RAP1GAP2: variants seen among roughly 807,000 people sequenced by gnomAD.
The protein encoded by RAP1GAP2 is rap1 GTPase-activating protein 2.
Under a neutral mutation model 95.0 loss-of-function variants are expected in RAP1GAP2, and 27 were observed. The ratio of observed to expected loss-of-function variants is 0.28; its 90% CI spans 0.21 to 0.39. The LOEUF (loss-of-function observed/expected upper bound fraction) is 0.39. Ranked by LOEUF, RAP1GAP2 falls within the 10% of genes least tolerant of loss-of-function variation. The probability of loss-of-function intolerance (pLI) is 1.00; values close to 1 mark genes in which losing one functional copy is unlikely to be tolerated. For missense variants in RAP1GAP2, 771 were observed against 970.0 expected, an observed-to-expected ratio of 0.79 and a Z score of 2.72; for synonymous variants, 373 against 380.9, an observed-to-expected ratio of 0.98 and a Z score of 0.24.
intron 3 of RAP1GAP2, among the ~76,000 whole-genome samples, chr17:2,923,842 G>A (rs1222399098): frequency 2.0e-5 from 3 of 152,120 alleles, no homozygotes; most frequent in Non-Finnish European, 4.4e-5. Context: ...TTTGCTAATC[G>A]TCCAGACATC....
chr17:2,892,148 G>T (rs1847598876), intron 2 of RAP1GAP2, among the ~76,000 whole-genome samples: 1 of 151,974 alleles, frequency 6.6e-6, no homozygotes, highest in Non-Finnish European at 1.5e-5. Context: ...TCTGTATATG[G>T]TATGTATTTA....
At chr17:2,860,744 C>T (rs891081553) in intron 2 of RAP1GAP2, among the ~76,000 whole-genome samples, 1 of 151,670 alleles carries the variant, frequency 6.6e-6, no homozygotes, top group Admixed American at 6.6e-5. Flanking sequence ...GCTGGGATTA[C>T]AGGCACGCAC....
intron 1 of RAP1GAP2, among the ~76,000 whole-genome samples, chr17:2,779,511 T>G (rs1381571141): frequency 6.6e-6 from 1 of 152,168 alleles, no homozygotes; most frequent in Non-Finnish European, 1.5e-5. Flanking sequence ...TGGCCCAGTT[T>G]CCCAGACCTC....
intron 3 of RAP1GAP2, among the ~76,000 whole-genome samples, chr17:2,923,291 G>A (rs1450454490): frequency 1.0e-4 from 15 of 150,180 alleles, no homozygotes; most frequent in Non-Finnish European, 1.9e-4. Context: ...GCCCGCCTCG[G>A]CCTCCCAAAG....
intron 14 of RAP1GAP2, among the ~76,000 whole-genome samples, chr17:3,001,833 T>C (rs750039314): frequency 1.3e-5 from 2 of 152,224 alleles, no homozygotes; most frequent in Non-Finnish European, 2.9e-5. Flanking sequence ...GAAATGCATC[T>C]CAGCTAACCA....
intron 2 of RAP1GAP2, among the ~76,000 whole-genome samples, chr17:2,821,596 A>G (rs2070307711): frequency 6.6e-6 from 1 of 150,744 alleles, no homozygotes; most frequent in Non-Finnish European, 1.5e-5. Context: ...CTGGTTTTGA[A>G]CTCCTGGTCT....
At chr17:2,841,654 T>A (rs774264338) in intron 2 of RAP1GAP2, among the ~76,000 whole-genome samples, 1 of 152,076 alleles carries the variant, frequency 6.6e-6, no homozygotes, top group African/African-American at 2.4e-5. Flanking sequence ...GAATGGTAGA[T>A]GTCAGAGAAA....
rs986069213 is a variant in RAP1GAP2 at position 3,003,524 on chromosome 17, G to A, written c.1201-1845G>A. On this transcript the variant is annotated intron_variant, in intron 14 of 24. Coordinates refer to ENST00000254695, the MANE Select transcript of RAP1GAP2 (RefSeq NM_015085.5). This position sits in a 1 kb window ranked among gnomAD's most constrained non-coding sequence, Gnocchi z 4.1. ...CTCGGACGATGCTCTGTGTGCCACCGCGGCTCCCAGGCCACTCTTGGGCGT... is the reference window on the plus strand; with the variant it reads ...CTCGGACGATGCTCTGTGTGCCACCACGGCTCCCAGGCCACTCTTGGGCGT... Among the ~76,000 whole-genome samples the A allele has an allele frequency of 1.2e-4, 18 of 152,070 alleles. 1 individual carries two copies. Among genetic ancestry groups the A allele is most frequent in the Non-Finnish European group, 2.4e-4 (16 of 68,012 alleles).
chr17:2,985,905 C>T (rs879418300), intron 11 of RAP1GAP2, among the ~76,000 whole-genome samples: 20 of 152,078 alleles, frequency 1.3e-4, no homozygotes, highest in Non-Finnish European at 2.4e-4. Flanking sequence ...CTACCATGAA[C>T]ATTTATTAAC....
intron 7 of RAP1GAP2, chr17:2,964,800 A>C (rs1023247701): frequency 6.6e-6 from 1 of 152,432 alleles, no homozygotes; most frequent in African/African-American, 2.4e-5. Context: ...TGACAAAGTT[A>C]AATTTAAAAG....
At position 3,030,982 on chromosome 17, in the gene RAP1GAP2, A is replaced by G. The variant is rs758246702; in HGVS notation, c.2168A>G (p.His723Arg). The stretch of plus-strand genomic sequence containing the variant: ...AAATTCCGCTTTGACAAGCTCAGCC[A>G]TGCCAGCTCTGGTGCGGTAAGGATG... ...NLKFRFDKLSHASSGAGH is the reference protein window; with the variant it reads ...NLKFRFDKLSRASSGAGH The change falls in exon 23 of 25, where the codon CAT becomes CGT. Residue 723 changes from histidine (H) to arginine (R), a missense_variant. By Grantham distance (29) the His-to-Arg change is conservative. Transcript: ENST00000254695. 6.2e-6 allele frequency: 10 copies of G among 1,608,826 alleles called. No individual in the cohort carries two copies. Among genetic ancestry groups the G allele is most frequent in the African/African-American group, 1.3e-5 (1 of 74,902 alleles).
intron 2 of RAP1GAP2, among the ~76,000 whole-genome samples, chr17:2,801,213 A>G (rs1175172554): frequency 2.0e-5 from 3 of 149,656 alleles, no homozygotes; most frequent in African/African-American, 7.3e-5. Context: ...GGTGGCTCAC[A>G]CCTGTAATCC....
At chr17:2,795,792 G>A (rs2069060442), upstream of RAP1GAP2, among the ~76,000 whole-genome samples, 1 of 152,206 alleles carries the variant, frequency 6.6e-6, no homozygotes, top group Non-Finnish European at 1.5e-5. Context: ...ATGCCTGTGT[G>A]AAGTGGTGTG....
At chr17:3,002,874 C>T (rs1037228410) in intron 14 of RAP1GAP2, among the ~76,000 whole-genome samples, 8 of 151,912 alleles carry the variant, frequency 5.3e-5, no homozygotes, top group East Asian at 3.9e-4. Context: ...TGACATCCTG[C>T]GGGAGGGAAG....
intron 8 of RAP1GAP2, among the ~76,000 whole-genome samples, chr17:2,970,690 G>C (rs1480780560): frequency 1.3e-5 from 2 of 152,214 alleles, no homozygotes; most frequent in African/African-American, 4.8e-5. Flanking sequence ...TATTTGCTAT[G>C]AACAGTTTAT....
At chr17:2,787,909 A>C (rs1455608074) in intron 1 of RAP1GAP2, among the ~76,000 whole-genome samples, 1 of 152,174 alleles carries the variant, frequency 6.6e-6, no homozygotes, top group African/African-American at 2.4e-5. Context: ...ATATCTTCAT[A>C]TATTAACATA....
intron 2 of RAP1GAP2, among the ~76,000 whole-genome samples, chr17:2,853,634 C>T (rs1027449604): frequency 6.8e-6 from 1 of 146,586 alleles, no homozygotes; most frequent in African/African-American, 2.5e-5. Context: ...CTCCACCATC[C>T]GGGCGGCCGA....
chr17:2,874,019 A>G (rs995040927), intron 2 of RAP1GAP2, among the ~76,000 whole-genome samples: 5 of 151,366 alleles, frequency 3.3e-5, no homozygotes, highest in African/African-American at 1.2e-4. Flanking sequence ...CAGGTGATCC[A>G]CCCGTCTCAG....
intron 2 of RAP1GAP2, among the ~76,000 whole-genome samples, chr17:2,891,396 C>T (rs754454409): frequency 1.3e-5 from 2 of 152,120 alleles, no homozygotes; most frequent in Non-Finnish European, 2.9e-5. Flanking sequence ...CCGCCTTGGC[C>T]TCCCAAAGTA....
Sources: gnomAD v4.1 joint callset for allele counts (sites outside exome capture counted in the v4.1 genomes callset) on GRCh38, gnomAD v4.1.1 for gene constraint, Gnocchi (gnomAD v3.1) non-coding constraint, MANE v1.5 for transcripts, NCBI Gene and HGNC (gene_info 2026-07-23, HGNC 2026-07-21) for gene names.